The following ANXA3 variants were observed in gnomAD, a reference collection of about 807,000 sequenced individuals.
ANXA3 encodes annexin A3.
A neutral mutation model predicts 48.8 loss-of-function variants in ANXA3; 46 were observed. The observed-to-expected ratio is 0.94, with a 90% confidence interval of 0.74 to 1.21. The LOEUF is 1.21. Ranked by LOEUF, ANXA3 falls within the 50% of genes most tolerant of loss-of-function variation. The pLI is 0.00. For synonymous variants in ANXA3, 128 were observed against 134.7 expected (o/e 0.95, Z 0.35); for missense variants, 383 against 378.6 (o/e 1.01, Z -0.10).
rs567786987 is a variant in ANXA3 at position 78,586,918 on chromosome 4, A to C, written c.403+568A>C. Reference sequence around the variant, plus strand: ...CTACCTTCACCTCAGACACCAGCCCACAAGCTCAGGTGTTTTCAGGCTACA... The same window carrying C: ...CTACCTTCACCTCAGACACCAGCCCCCAAGCTCAGGTGTTTTCAGGCTACA... On this transcript the variant is annotated intron_variant, in intron 6 of 12. Transcript: ENST00000264908. Among the ~76,000 whole-genome samples the C allele has an allele frequency of 2.6e-5, 4 of 152,354 alleles. No individual in the cohort carries two copies. In the South Asian group the frequency reaches 8.3e-4, roughly 32 times the overall value.
In ANXA3 at chr4:78,586,240, G is replaced by C. The variant is rs1479906811; in HGVS notation, c.313-20G>C. 1 of 1,601,220 alleles carries C rather than the reference G, an allele frequency of 6.2e-7. No individual in the cohort carries two copies. The highest frequency in any genetic ancestry group is 8.5e-7 in the Non-Finnish European group (1 of 1,170,104). On this transcript the variant is annotated intron_variant, in intron 5 of 12. Transcript: ENST00000264908. Reference sequence around the variant, plus strand: ...AGTTATTTAAGTGTTCTAAAAATTAGATTTTCTTTTCCTTTTTAGGGCGCG... The same window carrying C: ...AGTTATTTAAGTGTTCTAAAAATTACATTTTCTTTTCCTTTTTAGGGCGCG...
At chr4:78,580,690 G>A (rs539447283) in intron 4 of ANXA3, among the ~76,000 whole-genome samples, 2 of 152,126 alleles carry the variant, frequency 1.3e-5, no homozygotes. Context: ...AGGCCCCCAG[G>A]CTCCATTAAG....
chr4:78,600,129 C>A (rs1490731733), intron 10 of ANXA3, among the ~76,000 whole-genome samples: 1 of 151,992 alleles, frequency 6.6e-6, no homozygotes, highest in Non-Finnish European at 1.5e-5. Flanking sequence ...GGGGACAAGC[C>A]AGAGTTCAGG....
intron 2 of ANXA3, among the ~76,000 whole-genome samples, chr4:78,568,287 C>G (rs969971571): frequency 6.6e-6 from 1 of 152,222 alleles, no homozygotes; most frequent in African/African-American, 2.4e-5. Flanking sequence ...GAAGTCTTAA[C>G]AATTTCCAAG....
intron 12 of ANXA3, among the ~76,000 whole-genome samples, chr4:78,608,785 A>T (rs994949987): frequency 1.3e-5 from 2 of 152,074 alleles, no homozygotes; most frequent in Non-Finnish European, 2.9e-5. Context: ...GTTTGGTTTT[A>T]CATGTATTGA....
At chr4:78,600,050 T>C (rs1249452016) in intron 10 of ANXA3, among the ~76,000 whole-genome samples, 12 of 152,110 alleles carry the variant, frequency 7.9e-5, no homozygotes, top group Non-Finnish European at 1.8e-4. Context: ...CGTCTGGCAG[T>C]GGACAGCTGG....
At chr4:78,565,753 A>T (rs1722716844) in intron 2 of ANXA3, among the ~76,000 whole-genome samples, 1 of 152,158 alleles carries the variant, frequency 6.6e-6, no homozygotes, top group Non-Finnish European at 1.5e-5. Context: ...CCTACCTCAT[A>T]GGGTGGTTTT....
chr4:78,596,007 A>G, intron 9 of ANXA3, 120 bp downstream of exon 9: 1 of 639,238 alleles, frequency 1.6e-6, no homozygotes. Context: ...CCAGTTATTC[A>G]CACTTCAGGA....
chr4:78,574,053 A>G (rs1028156507), intron 3 of ANXA3, among the ~76,000 whole-genome samples: 1 of 152,154 alleles, frequency 6.6e-6, no homozygotes, highest in African/African-American at 2.4e-5. Context: ...ACCATCCTGT[A>G]TTAGTCCTAT....
At chr4:78,605,742 G>T (rs1370602578) in intron 12 of ANXA3, among the ~76,000 whole-genome samples, 1 of 152,140 alleles carries the variant, frequency 6.6e-6, no homozygotes, top group Non-Finnish European at 1.5e-5. Flanking sequence ...ATTGTTTTCA[G>T]ATCTCAGTTG....
chr4:78,568,493 T>G (rs997732943), intron 2 of ANXA3, among the ~76,000 whole-genome samples: 1 of 152,226 alleles, frequency 6.6e-6, no homozygotes, highest in Non-Finnish European at 1.5e-5. Flanking sequence ...TAGGGCTTTC[T>G]GAAGTGATGA....
At chr4:78,578,852 AAAATAAATAAATAAAT>A (rs3840270) in intron 3 of ANXA3, among the ~76,000 whole-genome samples, 159 bp from the exon 4 acceptor site, 1 of 148,742 alleles carries the variant, frequency 6.7e-6, no homozygotes, top group African/African-American at 2.5e-5. Flanking sequence ...TCAGGCAAAC[AAAATAAATAAATAAAT>A]AAATAAATAA....
At chr4:78,552,628 C>T (rs1372769086) in intron 1 of ANXA3, among the ~76,000 whole-genome samples, 1 of 152,190 alleles carries the variant, frequency 6.6e-6, no homozygotes, top group Non-Finnish European at 1.5e-5. Flanking sequence ...CTGGAGGCCC[C>T]TCTGGCTACT....
intron 6 of ANXA3, among the ~76,000 whole-genome samples, chr4:78,586,865 A>G (rs1362121747): frequency 1.3e-5 from 2 of 152,192 alleles, no homozygotes; most frequent in African/African-American, 4.8e-5. Context: ...GTGTGACTTC[A>G]CAGGTTAAGG....
Position 78,594,127 on chromosome 4 carries a change from C to T in ANXA3, c.484-1254C>T, listed in dbSNP as rs1280015997. Reference sequence around the variant, plus strand: ...ATAGTTTTGCCATCTCTAGAATGTCCTATAGTTGGAATCATACAGTACGTA... The same window carrying T: ...ATAGTTTTGCCATCTCTAGAATGTCTTATAGTTGGAATCATACAGTACGTA... On this transcript the variant is annotated intron_variant, in intron 7 of 12. Transcript: ENST00000264908. Among the ~76,000 whole-genome samples, 5 of 151,906 alleles carry T rather than the reference C, an allele frequency of 3.3e-5. No individual in the cohort carries two copies. In the East Asian group the frequency reaches 7.7e-4, roughly 23 times the overall value.
chr4:78,583,539 A>C (rs1723115918), intron 5 of ANXA3, among the ~76,000 whole-genome samples: 1 of 151,728 alleles, frequency 6.6e-6, no homozygotes, highest in Non-Finnish European at 1.5e-5. Flanking sequence ...TGGGAGAATC[A>C]CTTAAGCCCA....
At chr4:78,568,676 T>G (rs1335051371) in intron 2 of ANXA3, among the ~76,000 whole-genome samples, 1 of 152,218 alleles carries the variant, frequency 6.6e-6, no homozygotes, top group Non-Finnish European at 1.5e-5. Context: ...CAGTACACTT[T>G]GCATAAAGAA....
rs150778463 is a variant in ANXA3, at chr4:78,587,650, G to A, written c.403+1300G>A. On this transcript the variant is annotated intron_variant, in intron 6 of 12. Coordinates refer to ENST00000264908, the MANE Select transcript of ANXA3 (RefSeq NM_005139.3). ...AGGAGTACATATTGGTCCTCATGTA[G>A]GTGTTAAAGAGGATGCTTTGGGAGA... Among the ~76,000 whole-genome samples, 768 of 152,304 alleles carry A rather than the reference G, an allele frequency of 5.0e-3. 12 individuals carry two copies. Among genetic ancestry groups the A allele is most frequent in the Middle Eastern group, 0.024 (7 of 294 alleles).
chr4:78,601,140 C>G (rs987622831), intron 10 of ANXA3, among the ~76,000 whole-genome samples: 1 of 152,160 alleles, frequency 6.6e-6, no homozygotes, highest in Non-Finnish European at 1.5e-5. Flanking sequence ...CCAGGTTGTT[C>G]ATCAGTAGCC....
Sources: allele counts gnomAD v4.1 joint callset (sites outside exome capture counted in the v4.1 genomes callset), GRCh38; gene constraint gnomAD v4.1.1; transcripts MANE v1.5; gene names NCBI Gene and HGNC (gene_info 2026-07-23, HGNC 2026-07-21).